The following MROH9 variants were observed in gnomAD, a reference collection of about 807,000 sequenced individuals.
The protein encoded by MROH9 is maestro heat-like repeat-containing protein family member 9.
A neutral mutation model predicts 98.2 loss-of-function variants in MROH9; 92 were observed. The ratio of observed to expected loss-of-function variants is 0.94; its 90% CI spans 0.79 to 1.11. MROH9 has a LOEUF of 1.11. Among genes scored for constraint, MROH9 ranks in the 50% most tolerant of loss-of-function variants. The pLI is 0.00. For missense variants in MROH9, 1,057 were observed against 1,014.8 expected, an observed-to-expected ratio of 1.04 and a Z score of -0.57; for synonymous variants, 397 against 368.9, an observed-to-expected ratio of 1.08 and a Z score of -0.87.
intron 10 of MROH9, among the ~76,000 whole-genome samples, chr1:170,988,704 C>T (rs1651241325): frequency 6.6e-6 from 1 of 152,090 alleles, no homozygotes; most frequent in South Asian, 2.1e-4. Flanking sequence ...TAAAAACATC[C>T]CTAAAAATCC....
intron 15 of MROH9, among the ~76,000 whole-genome samples, chr1:170,999,997 A>G (rs1405505486): frequency 1.3e-5 from 2 of 151,860 alleles, no homozygotes; most frequent in African/African-American, 4.8e-5. Flanking sequence ...GGAATTGTCT[A>G]TTCATGTCCT....
At chr1:171,013,972 C>G in intron 15 of MROH9, 145 bp from the exon 16 acceptor site, 1 of 651,328 alleles carries the variant, frequency 1.5e-6, no homozygotes, top group Non-Finnish European at 2.6e-6. Context: ...TGTCTCTCCC[C>G]ACTGCTGTGA....
intron 8 of MROH9, among the ~76,000 whole-genome samples, chr1:170,975,361 G>C (rs557702987): frequency 1.1e-4 from 16 of 152,196 alleles, no homozygotes; most frequent in African/African-American, 3.6e-4. Flanking sequence ...AGATAAGAAT[G>C]CCTCCAGGGA....
At chr1:170,985,029 A>T (rs149933946) in intron 9 of MROH9, among the ~76,000 whole-genome samples, 43 of 152,276 alleles carry the variant, frequency 2.8e-4, no homozygotes, top group African/African-American at 1.0e-3. Context: ...ACAAAACCGA[A>T]AACAATTCCC....
intron 3 of MROH9, among the ~76,000 whole-genome samples, chr1:170,951,461 A>G (rs896302563): frequency 1.5e-4 from 23 of 152,164 alleles, no homozygotes; most frequent in Non-Finnish European, 2.9e-5. Context: ...ATTATATTCA[A>G]AAGAATGACA....
At chr1:171,026,443 C>G (rs1257554490) in intron 20 of MROH9, among the ~76,000 whole-genome samples, 1 of 151,830 alleles carries the variant, frequency 6.6e-6, no homozygotes, top group Non-Finnish European at 1.5e-5. Context: ...CCTGGCTATT[C>G]TTGTATTTTT....
intron 3 of MROH9, among the ~76,000 whole-genome samples, chr1:170,954,844 G>C (rs908218130): frequency 2.0e-5 from 3 of 151,880 alleles, no homozygotes; most frequent in Non-Finnish European, 4.4e-5. Context: ...AGTTATTGGG[G>C]TACAGGTGGT....
At position 170,959,594 on chromosome 1, in the gene MROH9, G is replaced by A. The variant is rs376421981; in HGVS notation, c.285G>A (p.Met95Ile). ...GCAGTTATGAGTACATTGAGGACAT[G>A]GAGGTAAAATTTTTCTTCCTTTAAT... ...MGSSYEYIED[M>I]ENLYHNILNI... is the part of the protein sequence containing the mutation. Residue 95 changes from methionine (M) to isoleucine (I), a missense_variant, in exon 5 of 22, where the codon ATG becomes ATA. By Grantham distance (10) the Met-to-Ile change is conservative. Transcript: ENST00000367759. The A allele has an allele frequency of 1.2e-6, 2 of 1,610,780 alleles. No homozygotes were observed. Among genetic ancestry groups the A allele is most frequent in the African/African-American group, 2.7e-5 (2 of 74,782 alleles).
chr1:171,006,815 T>A (rs1651967664), intron 15 of MROH9, among the ~76,000 whole-genome samples: 1 of 138,052 alleles, frequency 7.2e-6, no homozygotes, highest in African/African-American at 2.6e-5. Flanking sequence ...GGGTTTCTGT[T>A]TTGTTATTTT....
At chr1:171,025,226 G>T (rs1652666193) in intron 19 of MROH9, 92 bp from the exon 20 acceptor site, 1 of 711,216 alleles carries the variant, frequency 1.4e-6, no homozygotes, top group African/African-American at 1.8e-5. Context: ...TTCTAATTTG[G>T]TCCTGATTTG....
chr1:170,977,253 A>T (rs1462186843), intron 8 of MROH9, among the ~76,000 whole-genome samples: 4 of 152,122 alleles, frequency 2.6e-5, no homozygotes, highest in Admixed American at 2.0e-4. Context: ...AGTCAATCCA[A>T]CCTGGTTAAG....
rs144496868 is a variant in MROH9, at chr1:171,029,106, T to A, written c.2281+3686T>A. ...TTTGTACCAGTTTTCAAAGGGAATG[T>A]TTCCAGCTTTTGCCCATTCAACATG... On this transcript the variant is annotated intron_variant, in intron 20 of 21. Coordinates refer to ENST00000367759, the MANE Select transcript of MROH9 (RefSeq NM_001163629.2). 2.5e-3 allele frequency among the ~76,000 whole-genome samples: 387 copies of A among 152,326 alleles called. 11 individuals carry two copies. Among genetic ancestry groups the A allele is most frequent in the Admixed American group, 0.023 (356 of 15,302 alleles).
chr1:171,016,264 A>G lies in MROH9; in HGVS notation c.1836A>G (p.Leu612=). The G allele has an allele frequency of 6.5e-7, 1 of 1,540,088 alleles. No homozygotes were observed. Among genetic ancestry groups the G allele is most frequent in the South Asian group, 1.2e-5 (1 of 81,760 alleles). The change falls in exon 17 of 22, where the codon TTA becomes TTG. Residue 612 remains leucine (L), a synonymous_variant. Transcript: ENST00000367759. Reference sequence around the variant, plus strand: ...CCTTGCTCACCCTTAGAAGGCTTTTAAACGAACTGGACAAAGTGACCTACT... The same window carrying G: ...CCTTGCTCACCCTTAGAAGGCTTTTGAACGAACTGGACAAAGTGACCTACT... ...LQALLTLRRL[L]NELDKVTYSL... is the part of the protein sequence containing the mutation.
intron 3 of MROH9, among the ~76,000 whole-genome samples, chr1:170,957,899 C>A (rs1054939333): frequency 6.6e-6 from 1 of 151,838 alleles, no homozygotes; most frequent in African/African-American, 2.4e-5. Context: ...AGCTCTGCCT[C>A]CCGGGTTCAC....
chr1:170,994,041 T>C (rs1021439352), intron 12 of MROH9, among the ~76,000 whole-genome samples: 5 of 152,216 alleles, frequency 3.3e-5, no homozygotes, highest in Non-Finnish European at 5.9e-5. Flanking sequence ...TCCATGAAGA[T>C]GCATTGTCAC....
chr1:171,044,587 G>A (rs577289857), intron 20 of MROH9, among the ~76,000 whole-genome samples: 71 of 152,242 alleles, frequency 4.7e-4, no homozygotes, highest in Admixed American at 1.3e-3. Flanking sequence ...AAAGCCATCA[G>A]GTTCTGGGCT....
At chr1:170,942,023 G>A (rs539234760) in intron 1 of MROH9, among the ~76,000 whole-genome samples, 2 of 152,262 alleles carry the variant, frequency 1.3e-5, no homozygotes, top group East Asian at 3.9e-4. Flanking sequence ...ACCATTAAAT[G>A]CAGAATCTCT....
At chr1:171,018,208 C>T (rs1652394356) in intron 17 of MROH9, among the ~76,000 whole-genome samples, 1 of 152,128 alleles carries the variant, frequency 6.6e-6, no homozygotes, top group Non-Finnish European at 1.5e-5. Flanking sequence ...CTTTGCTGTT[C>T]TCCAGATTCC....
intron 20 of MROH9, among the ~76,000 whole-genome samples, chr1:171,048,707 A>C (rs1413667457): frequency 6.6e-6 from 1 of 152,176 alleles, no homozygotes; most frequent in Admixed American, 6.5e-5. Flanking sequence ...GCTTTCCTCA[A>C]GCAGAAGGAG....
Sources: gnomAD v4.1 joint callset for allele counts (sites outside exome capture counted in the v4.1 genomes callset) on GRCh38, gnomAD v4.1.1 for gene constraint, MANE v1.5 for transcripts, NCBI Gene and HGNC (gene_info 2026-07-23, HGNC 2026-07-21) for gene names.